ADGRB3: variants seen among roughly 807,000 people sequenced by gnomAD.
ADGRB3 encodes brain-specific angiogenesis inhibitor 3.
In ADGRB3, 37 loss-of-function variants were observed where a neutral mutation model predicts 193.4. That is an observed-to-expected ratio of 0.19 (90% CI 0.15 to 0.25). The LOEUF (loss-of-function observed/expected upper bound fraction) is 0.25, where lower values mean the gene tolerates loss of function less well. Among genes scored for constraint, ADGRB3 ranks in the 10% least tolerant of loss-of-function variants. The pLI is 1.00. For missense variants in ADGRB3, 1,637 were observed against 1,852.9 expected (o/e 0.88, Z 2.14); for synonymous variants, 690 against 644.2 (o/e 1.07, Z -1.08).
In ADGRB3 at chr6:68,638,792, T is replaced by C; in HGVS notation, c.117T>C (p.Tyr39=). 2.5e-6 allele frequency: 4 copies of C among 1,614,166 alleles called. No individual in the cohort carries two copies. Among genetic ancestry groups the C allele is most frequent in the South Asian group, 1.1e-5 (1 of 91,086 alleles). The change falls in exon 3 of 32, where the codon TAT becomes TAC. Residue 39 remains tyrosine, a synonymous_variant. Coordinates refer to ENST00000370598, the MANE Select transcript of ADGRB3 (RefSeq NM_001704.3). ...CAACTTTGGTGAAGGGAGTCATTTATGGATCGTATTCTGTAAGTGAAATGT... is the reference window on the plus strand; with the variant it reads ...CAACTTTGGTGAAGGGAGTCATTTACGGATCGTATTCTGTAAGTGAAATGT... ...WCSTLVKGVI[Y]GSYSVSEMFP...
intron 6 of ADGRB3, among the ~76,000 whole-genome samples, chr6:68,949,076 C>T (rs1415892381): frequency 6.6e-6 from 1 of 151,528 alleles, no homozygotes; most frequent in Non-Finnish European, 1.5e-5. Context: ...AGTAAAAAAT[C>T]GATGTAGAGG....
intron 3 of ADGRB3, among the ~76,000 whole-genome samples, chr6:68,864,624 G>T (rs554814956): frequency 6.6e-6 from 1 of 152,078 alleles, no homozygotes; most frequent in Non-Finnish European, 1.5e-5. Flanking sequence ...GTAACCCCCT[G>T]TTATTTGGAG....
chr6:69,351,152 G>A (rs893425906), intron 26 of ADGRB3, among the ~76,000 whole-genome samples: 11 of 148,064 alleles, frequency 7.4e-5, no homozygotes, highest in African/African-American at 2.5e-4. Context: ...GGAGTACAAT[G>A]GCACAATCTC....
chr6:69,038,986 G>A (rs1770952582), intron 13 of ADGRB3, among the ~76,000 whole-genome samples: 1 of 152,074 alleles, frequency 6.6e-6, no homozygotes, highest in Admixed American at 6.5e-5. Flanking sequence ...GAAATTTCAT[G>A]CCATCTCACT....
intron 17 of ADGRB3, among the ~76,000 whole-genome samples, chr6:69,113,779 T>G (rs1773443732): frequency 6.6e-6 from 1 of 152,166 alleles, no homozygotes; most frequent in Admixed American, 6.6e-5. Flanking sequence ...ATAATTTTTA[T>G]TTTTATGACT....
At chr6:68,918,311 C>G (rs753208285) in intron 3 of ADGRB3, among the ~76,000 whole-genome samples, 22 of 152,150 alleles carry the variant, frequency 1.4e-4, no homozygotes, top group Non-Finnish European at 2.9e-4. Flanking sequence ...CTTGCCCATC[C>G]TTGGCCACTT....
At chr6:69,057,983 A>AT (rs919700828) in intron 15 of ADGRB3, among the ~76,000 whole-genome samples, 2 of 151,860 alleles carry the variant, frequency 1.3e-5, no homozygotes, top group East Asian at 1.9e-4. Context: ...CTCTGCTTTA[A>AT]TTTTTTGGAA....
rs974242524 is a variant in ADGRB3, at chr6:69,138,586, T to C, written c.2480+62548T>C. On this transcript the variant is annotated intron_variant, in intron 17 of 31. Coordinates refer to ENST00000370598, the MANE Select transcript of ADGRB3 (RefSeq NM_001704.3). ...TAAATTATTTTCTTGGAAAAGGAAA[T>C]TGGCTCAATGTCAGGTTCTTTGGTG... Among the ~76,000 whole-genome samples the C allele has an allele frequency of 1.8e-4, 28 of 152,208 alleles. 1 individual carries two copies. The highest frequency in any genetic ancestry group is 1.5e-5 in the Non-Finnish European group (1 of 68,040).
At chr6:69,153,638 G>C (rs1171185760) in intron 17 of ADGRB3, among the ~76,000 whole-genome samples, 2 of 152,016 alleles carry the variant, frequency 1.3e-5, no homozygotes, top group African/African-American at 4.8e-5. Flanking sequence ...GGATCCATCA[G>C]GTAAAGATCA....
At chr6:68,967,494 T>C (rs1469060731) in intron 8 of ADGRB3, among the ~76,000 whole-genome samples, 2 of 152,118 alleles carry the variant, frequency 1.3e-5, no homozygotes, top group Non-Finnish European at 2.9e-5. Context: ...CATTACATGA[T>C]ACCCTGGAAA....
At chr6:68,975,028 A>G (rs1406855400) in intron 9 of ADGRB3, among the ~76,000 whole-genome samples, 164 bp downstream of exon 9, 2 of 152,238 alleles carry the variant, frequency 1.3e-5, no homozygotes, top group African/African-American at 2.4e-5. Context: ...AATGAAGCCA[A>G]TGAAGAGATA....
chr6:68,974,664 T>C, intron 8 of ADGRB3, 99 bp from the exon 9 acceptor site: 2 of 870,214 alleles, frequency 2.3e-6, no homozygotes, highest in Non-Finnish European at 3.6e-6. Context: ...AAAAGAAAAC[T>C]AAAGAGCTCT....
chr6:69,224,447 C>A (rs1619465), intron 17 of ADGRB3, among the ~76,000 whole-genome samples: 76,368 of 151,878 alleles, frequency 0.5, 20,979 homozygotes, highest in African/African-American at 0.72. Context: ...TAGCCCAGAC[C>A]AACAGTTTTT....
intron 11 of ADGRB3, among the ~76,000 whole-genome samples, chr6:68,996,465 C>G (rs760447350): frequency 6.1e-4 from 93 of 152,326 alleles, no homozygotes; most frequent in Non-Finnish European, 1.1e-3. Context: ...CGAATGACAA[C>G]TTGAAGTCAT....
chr6:69,188,109 T>G (rs926360508), intron 17 of ADGRB3, among the ~76,000 whole-genome samples: 3 of 152,188 alleles, frequency 2.0e-5, no homozygotes, highest in African/African-American at 7.2e-5. Context: ...TGATTAATAT[T>G]GCCTTGTTTT....
In ADGRB3 at chr6:69,365,457, A is replaced by G. The variant is rs186056343; in HGVS notation, c.4239+3945A>G. Among the ~76,000 whole-genome samples the G allele has an allele frequency of 2.2e-3, 339 of 152,160 alleles. 4 individuals carry two copies. The highest frequency in any genetic ancestry group is 7.8e-3 in the African/African-American group (323 of 41,546). On this transcript the variant is annotated intron_variant, in intron 29 of 31. Transcript: ENST00000370598. ...CTTCTGCGAATCCCTGGGTTACTAC[A>G]TGGTCCCCTATGTGGCATCTCAGTT...
At chr6:69,356,781 C>T (rs1264682146) in intron 28 of ADGRB3, among the ~76,000 whole-genome samples, 1 of 152,088 alleles carries the variant, frequency 6.6e-6, no homozygotes, top group African/African-American at 2.4e-5. Flanking sequence ...AGCTCTGCAG[C>T]ACGTCCTGTT....
rs532669494 is a variant in ADGRB3, at chr6:68,718,905, C to T, written c.757+79473C>T. On this transcript the variant is annotated intron_variant, in intron 3 of 31. Coordinates refer to ENST00000370598, the MANE Select transcript of ADGRB3 (RefSeq NM_001704.3). ...GACACATTGTTTAAGGCTGCCTTTG[C>T]GCTGTAACAGCAGAGTTGAGTAGTG... 2.2e-4 allele frequency among the ~76,000 whole-genome samples: 34 copies of T among 151,812 alleles called. No individual in the cohort carries two copies. The East Asian group carries it at 2.3e-3, about 10-fold the overall frequency.
At chr6:68,795,649 C>T (rs1450451020) in intron 3 of ADGRB3, among the ~76,000 whole-genome samples, 1 of 151,978 alleles carries the variant, frequency 6.6e-6, no homozygotes, top group Non-Finnish European at 1.5e-5. Context: ...TTTATGGGGA[C>T]TCTAAAAGCA....
Sources: gnomAD v4.1 joint callset for allele counts (sites outside exome capture counted in the v4.1 genomes callset) on GRCh38, gnomAD v4.1.1 for gene constraint, MANE v1.5 for transcripts, NCBI Gene and HGNC (gene_info 2026-07-23, HGNC 2026-07-21) for gene names.